The following IST1 variants were observed in gnomAD, a reference collection of about 807,000 sequenced individuals.
The protein encoded by IST1 is IST1 factor associated with ESCRT-III.
In IST1, 23 loss-of-function variants were observed where a neutral mutation model predicts 37.0. That is an observed-to-expected ratio of 0.62 (90% CI 0.45 to 0.88). The LOEUF (loss-of-function observed/expected upper bound fraction) is 0.88, where lower values mean the gene tolerates loss of function less well. Ranked by LOEUF, IST1 falls within the 40% of genes least tolerant of loss-of-function variation. The pLI, the probability that IST1 is intolerant of heterozygous loss-of-function variation, is 0.00. For synonymous variants in IST1, 180 were observed against 161.7 expected (o/e 1.11, Z -0.86); for missense variants, 488 against 445.4 (o/e 1.10, Z -0.86).
intron 1 of IST1, among the ~76,000 whole-genome samples, chr16:71,912,627 A>G (rs1261751763): frequency 2.0e-5 from 3 of 152,228 alleles, no homozygotes; most frequent in African/African-American, 7.2e-5. Flanking sequence ...ACACATGGCA[A>G]CATGACAATT....
intron 3 of IST1, 139 bp downstream of exon 3, chr16:71,916,781 GA>G: frequency 1.3e-6 from 1 of 751,046 alleles, no homozygotes; most frequent in South Asian, 2.2e-5. Flanking sequence ...CTGTTAAAAA[GA>G]AAATACAGAA....
chr16:71,901,152 T>C (rs1030099700), intron 1 of IST1, among the ~76,000 whole-genome samples: 14 of 152,226 alleles, frequency 9.2e-5, no homozygotes, highest in Admixed American at 9.2e-4. Flanking sequence ...ACAAAGTTTA[T>C]GTTATGTTTA....
chr16:71,895,085 T>G (rs2036934177), upstream of IST1: 1 of 403,048 alleles, frequency 2.5e-6, no homozygotes, highest in Admixed American at 4.3e-5. Context: ...CGAAACCCCC[T>G]CGGCCGCTCC....
At chr16:71,919,924 A>AG (rs1275585861) in intron 4 of IST1, among the ~76,000 whole-genome samples, 1 of 152,214 alleles carries the variant, frequency 6.6e-6, no homozygotes, top group Non-Finnish European at 1.5e-5. Flanking sequence ...TATTTCAGCA[A>AG]GGCAATTTTT....
chr16:71,923,254 C>A, intron 7 of IST1, 34 bp from the exon 8 acceptor site: 1 of 1,285,746 alleles, frequency 7.8e-7, no homozygotes, highest in Non-Finnish European at 1.1e-6. Context: ...AAACTGGAGG[C>A]AGTGTCTCTG....
chr16:71,904,179 A>G (rs1365144137), intron 1 of IST1, among the ~76,000 whole-genome samples: 3 of 152,110 alleles, frequency 2.0e-5, no homozygotes, highest in Non-Finnish European at 4.4e-5. Flanking sequence ...GGCTGAGTGC[A>G]GTGGTGTGAT....
chr16:71,914,036 G>A (rs966800755), intron 1 of IST1, among the ~76,000 whole-genome samples: 5 of 152,086 alleles, frequency 3.3e-5, no homozygotes, highest in East Asian at 1.9e-4. Context: ...TCGAACTCCC[G>A]ACCTCAGGTG....
intron 8 of IST1, chr16:71,923,976 A>T: frequency 2.7e-6 from 1 of 371,966 alleles, no homozygotes; most frequent in Non-Finnish European, 5.3e-6. Flanking sequence ...GTCTCCATCT[A>T]GTATTTTACT....
chr16:71,924,695 C>G (rs1271115303), intron 8 of IST1, 74 bp from the exon 9 acceptor site: 1 of 1,177,106 alleles, frequency 8.5e-7, no homozygotes, highest in Non-Finnish European at 1.3e-6. Context: ...CTTTTGGAAA[C>G]ACAGGGGCTT....
chr16:71,930,465 TTTG>T lies in IST1; in HGVS notation c.*2653_*2655del, dbSNP rs2037905551. On this transcript the variant is annotated 3_prime_UTR_variant, in exon 10 of 10. Transcript: ENST00000378799. Reference sequence around the variant, plus strand: ...GAAATGATTCAAATGTCACATGAGTTTTGGCAAAAAATACATCTAATCATGGAA... The same window carrying T: ...GAAATGATTCAAATGTCACATGAGTTGCAAAAAATACATCTAATCATGGAA... 3 of 256,724 alleles carry T rather than the reference TTTG, an allele frequency of 1.2e-5. No individual in the cohort carries two copies. Among genetic ancestry groups the T allele is most frequent in the African/African-American group, 6.6e-5 (3 of 45,386 alleles). 15.9% of individuals were successfully genotyped at this position (256,724 alleles called of 1,614,324 possible).
At chr16:71,912,383 G>A (rs974068925) in intron 1 of IST1, among the ~76,000 whole-genome samples, 8 of 151,900 alleles carry the variant, frequency 5.3e-5, no homozygotes, top group African/African-American at 1.7e-4. Flanking sequence ...GACTACAGGC[G>A]CCCGCCACCA....
intron 2 of IST1, 70 bp from the exon 3 acceptor site, chr16:71,916,392 G>T: frequency 6.8e-7 from 1 of 1,469,586 alleles, no homozygotes; most frequent in South Asian, 1.2e-5. Context: ...TCCTGTTGGG[G>T]GGAGATTGGC....
rs942987289 is a variant in IST1 at position 71,930,672 on chromosome 16, C to A, written c.*2859C>A. The A allele has an allele frequency of 4.6e-5, 7 of 151,784 alleles. No homozygotes were observed. The highest frequency in any genetic ancestry group is 1.5e-4 in the African/African-American group (6 of 41,318). 9.4% of individuals were successfully genotyped at this position (151,784 alleles called of 1,614,324 possible). A position where few individuals can be genotyped will look rare whatever the true frequency, so the allele number is the denominator to read the frequency against. On this transcript the variant is annotated 3_prime_UTR_variant, in exon 10 of 10. Coordinates refer to ENST00000378799, the MANE Select transcript of IST1 (RefSeq NM_001270975.2). The stretch of plus-strand genomic sequence containing the variant: ...TTTAGTATTTTTTTTTTTCCATTGT[C>A]ATTTTTAAAGGTACAAGCATTGAGT...
intron 9 of IST1, among the ~76,000 whole-genome samples, chr16:71,926,626 G>T (rs756410678): frequency 6.6e-6 from 1 of 151,890 alleles, no homozygotes; most frequent in Non-Finnish European, 1.5e-5. Context: ...GATTACAGGC[G>T]TGAGCCACCA....
chr16:71,912,209 C>T (rs1217113355), intron 1 of IST1, among the ~76,000 whole-genome samples: 4 of 151,916 alleles, frequency 2.6e-5, no homozygotes, highest in African/African-American at 7.3e-5. Context: ...TTTTATGTCT[C>T]TTCTTAAAAA....
intron 8 of IST1, chr16:71,924,324 A>G (rs1366900544): frequency 2.5e-6 from 1 of 392,924 alleles, no homozygotes; most frequent in Non-Finnish European, 5.0e-6. Flanking sequence ...AGAGTTCAAC[A>G]TGGGGCTGGG....
intron 1 of IST1, among the ~76,000 whole-genome samples, chr16:71,895,971 C>G (rs188833745): frequency 7.4e-4 from 112 of 152,350 alleles, no homozygotes; most frequent in African/African-American, 2.6e-3. Flanking sequence ...TTTTCTGGCC[C>G]GGAGAGACTT....
chr16:71,899,707 C>G (rs1029794347), intron 1 of IST1, among the ~76,000 whole-genome samples: 3 of 151,974 alleles, frequency 2.0e-5, no homozygotes, highest in Non-Finnish European at 4.4e-5. Context: ...GAAACCCTGT[C>G]TCTACTAAAA....
At chr16:71,901,176 G>A (rs2037099197) in intron 1 of IST1, among the ~76,000 whole-genome samples, 1 of 152,034 alleles carries the variant, frequency 6.6e-6, no homozygotes, top group Non-Finnish European at 1.5e-5. Context: ...TTGGAAACAG[G>A]TTCAAATTCT....
Sources: gnomAD v4.1 joint callset for allele counts (sites outside exome capture counted in the v4.1 genomes callset) on GRCh38, gnomAD v4.1.1 for gene constraint, MANE v1.5 for transcripts, NCBI Gene and HGNC (gene_info 2026-07-23, HGNC 2026-07-21) for gene names.